Variants in PENK observed in about 807,000 individuals in gnomAD.
The protein encoded by PENK is proenkephalin, also known as proenkephalin-A.
In PENK, 25 loss-of-function variants were observed where a neutral mutation model predicts 24.1. The observed-to-expected ratio is 1.04, with a 90% confidence interval of 0.76 to 1.45. The LOEUF (loss-of-function observed/expected upper bound fraction) is 1.45, where lower values mean the gene tolerates loss of function less well. Among genes scored for constraint, PENK ranks in the 40% most tolerant of loss-of-function variants. The pLI is 0.00. For missense variants in PENK, 353 were observed against 337.9 expected (o/e 1.04, Z -0.35); for synonymous variants, 135 against 130.3 (o/e 1.04, Z -0.24).
chr8:56,441,823 T>G lies in PENK; in HGVS notation c.253A>C (p.Arg85=). 6.2e-7 allele frequency: 1 copy of G among 1,614,222 alleles called. No individual in the cohort carries two copies. The highest frequency in any genetic ancestry group is 1.3e-5 in the African/African-American group (1 of 75,056). Residue 85 remains arginine, a synonymous_variant, in exon 4 of 4, where the codon AGA becomes CGA. Transcript: ENST00000451791. ...CTTTCTTCCGGTTTGCTATTTTCTC[T>G]GAGGGTGCTGGTGCCATCTTGAGGA... ...ELPQDGTSTL[R]ENSKPEESHL...
intron 3 of PENK, among the ~76,000 whole-genome samples, chr8:56,444,830 A>G (rs1035492141): frequency 6.6e-6 from 1 of 152,208 alleles, no homozygotes; most frequent in African/African-American, 2.4e-5. Flanking sequence ...GGATGAATAC[A>G]TTATTCTCTA....
At chr8:56,442,802 C>G (rs928935161) in intron 3 of PENK, among the ~76,000 whole-genome samples, 5 of 151,978 alleles carry the variant, frequency 3.3e-5, no homozygotes, top group African/African-American at 1.2e-4. Context: ...TAGGAATCAT[C>G]AGCATACATT....
At chr8:56,442,254 A>G (rs1404915768) in intron 3 of PENK, among the ~76,000 whole-genome samples, 1 of 152,224 alleles carries the variant, frequency 6.6e-6, no homozygotes, top group Admixed American at 6.5e-5. Context: ...TGCTTTCACA[A>G]TCTAATTTCA....
At position 56,441,721 on chromosome 8, in the gene PENK, G is replaced by A. The variant is rs935646217; in HGVS notation, c.355C>T (p.Pro119Ser). 3.1e-6 allele frequency: 5 copies of A among 1,613,062 alleles called. No homozygotes were observed. The Admixed American group carries it at 5.0e-5, about 16-fold the overall frequency. Reference protein sequence around the residue: ...GFMKKMDELYPMEPEEEANGS... With the variant: ...GFMKKMDELYSMEPEEEANGS... ...TTGGCCTCTTCTTCTGGCTCCATGG[G>A]ATAAAGCTCATCCATTTTCTTCATG... Residue 119 changes from proline (P) to serine (S), a missense_variant, in exon 4 of 4, where the codon CCC becomes TCC. Physicochemically the swap from Pro to Ser is moderately conservative, Grantham distance 74 (BLOSUM62 -1). Transcript: ENST00000451791.
Position 56,441,078 on chromosome 8 carries a change from A to C in PENK, c.*194T>G, listed in dbSNP as rs1020505439. On this transcript the variant is annotated 3_prime_UTR_variant, in exon 4 of 4. Coordinates refer to ENST00000451791, the MANE Select transcript of PENK (RefSeq NM_001135690.3). Reference sequence around the variant, plus strand: ...CATGAAAACGAGATAGCTGCAATAGACTAATACTGAGCTTAAAGACTCCAA... The same window carrying C: ...CATGAAAACGAGATAGCTGCAATAGCCTAATACTGAGCTTAAAGACTCCAA... 2.1e-5 allele frequency: 12 copies of C among 566,164 alleles called. No individual in the cohort carries two copies. The Admixed American group carries it at 3.2e-4, about 15-fold the overall frequency. 35.1% of individuals were successfully genotyped at this position (566,164 alleles called of 1,614,324 possible).
At position 56,441,882 on chromosome 8, in the gene PENK, C is replaced by A. The variant is rs149733534; in HGVS notation, c.194G>T (p.Cys65Phe). 2 of 1,613,920 alleles carry A rather than the reference C, an allele frequency of 1.2e-6. No homozygotes were observed. The highest frequency in any genetic ancestry group is 4.5e-5 in the East Asian group (2 of 44,880). Residue 65 changes from cysteine (C) to phenylalanine (F), a missense_variant, in exon 4 of 4, where the codon TGC (cysteine) becomes TTC (phenylalanine). Physicochemically the swap from Cys to Phe is radical, Grantham distance 205. Transcript: ENST00000451791. ...TTTGGACAGCTGCAGGAGCTCCTTG[C>A]AGGTTTCCCAAATTTTCAGAGAAGG... Reference protein sequence around the residue: ...KLPSLKIWETCKELLQLSKPE... With the variant: ...KLPSLKIWETFKELLQLSKPE...
chr8:56,444,514 A>T (rs960963372), intron 3 of PENK, among the ~76,000 whole-genome samples: 10 of 152,228 alleles, frequency 6.6e-5, no homozygotes, highest in African/African-American at 2.4e-4. Context: ...ATCTATCCTT[A>T]TATTTGTAGC....
chr8:56,446,258 AG>A, intron 2 of PENK, 167 bp downstream of exon 2: 1 of 403,118 alleles, frequency 2.5e-6, no homozygotes, highest in Non-Finnish European at 4.4e-6. Context: ...GCCGCAGACC[AG>A]GGGCGAGAGA....
chr8:56,441,769 AG>A lies in PENK; in HGVS notation c.306del (p.Phe103SerfsTer2). The A allele has an allele frequency of 7.4e-6, 12 of 1,612,594 alleles. No homozygotes were observed. Among genetic ancestry groups the A allele is most frequent in the Non-Finnish European group, 1.0e-5 (12 of 1,179,966 alleles). ...ATGAAGCCTCCATACCTTTTCATGA[AG>A]CCCCCATACCTTTTGGCTAGCAAAT... ...ESHLLAKRYGGFMKRYGGFMK... is the reference protein window; with the variant it reads ...ESHLLAKRYGXFMKRYGGFMK... On this transcript the variant is annotated frameshift_variant, in exon 4 of 4. Coordinates refer to ENST00000451791, the MANE Select transcript of PENK (RefSeq NM_001135690.3). LOFTEE classifies it high-confidence loss of function.
rs1476066834 is a variant in PENK, at chr8:56,445,974, C to A, written c.-3-18G>T. On this transcript the variant is annotated intron_variant, in intron 2 of 3. Coordinates refer to ENST00000451791, the MANE Select transcript of PENK (RefSeq NM_001135690.3). ...GCCATGGACTGCGAGGAGAGAGGGACGCGTGCTTCGAGCCTGCCTGGGCGC... is the reference window on the plus strand; with the variant it reads ...GCCATGGACTGCGAGGAGAGAGGGAAGCGTGCTTCGAGCCTGCCTGGGCGC... 1.3e-6 allele frequency: 2 copies of A among 1,572,892 alleles called. No individual in the cohort carries two copies. The highest frequency in any genetic ancestry group is 1.4e-5 in the African/African-American group (1 of 71,454).
At chr8:56,445,671 C>T in intron 3 of PENK, 145 bp downstream of exon 3, 1 of 1,001,558 alleles carries the variant, frequency 1.0e-6, no homozygotes, top group Non-Finnish European at 1.6e-6. Flanking sequence ...CTGAGACACC[C>T]AGGTCACCAC....
chr8:56,444,982 A>T (rs558892489), intron 3 of PENK, among the ~76,000 whole-genome samples: 17 of 152,372 alleles, frequency 1.1e-4, no homozygotes, highest in African/African-American at 4.1e-4. Context: ...GTGATTCGAC[A>T]GCCCATGGGG....
At position 56,445,823 on chromosome 8, in the gene PENK, T is replaced by A. The variant is rs1412897566; in HGVS notation, c.131A>T (p.Asn44Ile). 6.2e-7 allele frequency: 1 copy of A among 1,613,282 alleles called. No individual in the cohort carries two copies. Among genetic ancestry groups the A allele is most frequent in the East Asian group, 2.2e-5 (1 of 44,888 alleles). ...GCCGCGCGCAACACTCACCAGGAAG[T>A]TGATGTCGGCCGGGCGCACTAGGCG... ...SYRLVRPADI[N>I]FLACVMECEG... The change falls in exon 3 of 4, where the codon AAC becomes ATC. Residue 44 changes from asparagine to isoleucine, a missense_variant. Asn to Ile is a moderately radical substitution (Grantham distance 149, BLOSUM62 -3). Coordinates refer to ENST00000451791, the MANE Select transcript of PENK (RefSeq NM_001135690.3).
intron 2 of PENK, 146 bp downstream of exon 2, chr8:56,446,280 G>A (rs1242229220): frequency 2.0e-5 from 7 of 355,650 alleles, no homozygotes; most frequent in Non-Finnish European, 3.6e-5. Flanking sequence ...GCGGGAGCCG[G>A]GGGAGGCAGG....
At chr8:56,442,205 TA>T (rs1306123739) in intron 3 of PENK, among the ~76,000 whole-genome samples, 2 of 152,054 alleles carry the variant, frequency 1.3e-5, no homozygotes, top group East Asian at 3.9e-4. Context: ...TTAAAGAATT[TA>T]AAAAAAAATT....
intron 3 of PENK, chr8:56,443,912 C>T (rs1386032959): frequency 1.4e-6 from 1 of 691,464 alleles, no homozygotes; most frequent in Non-Finnish European, 2.6e-6. Context: ...CATTCCATCA[C>T]CTGGATTAAA....
In PENK at chr8:56,441,786, G is replaced by A; in HGVS notation, c.290C>T (p.Ala97Val). The A allele has an allele frequency of 6.2e-7, 1 of 1,613,984 alleles. No individual in the cohort carries two copies. The highest frequency in any genetic ancestry group is 1.1e-5 in the South Asian group (1 of 91,064). The stretch of plus-strand genomic sequence containing the variant: ...TTTCATGAAGCCCCCATACCTTTTG[G>A]CTAGCAAATGGCTTTCTTCCGGTTT... ...NSKPEESHLL[A>V]KRYGGFMKRY... Residue 97 changes from alanine to valine, a missense_variant, in exon 4 of 4, where the codon GCC becomes GTC. Transcript: ENST00000451791.
intron 2 of PENK, chr8:56,446,164 C>A (rs987431153): frequency 1.7e-6 from 1 of 576,848 alleles, no homozygotes; most frequent in Non-Finnish European, 3.0e-6. Flanking sequence ...CGGGATGGCG[C>A]GGTCGCCCCC....
rs199856379 is a variant in PENK, at chr8:56,441,246, C to T, written c.*26G>A. ...GAGGATGGAGGGAGGCTTGCTGGGG[C>T]CTGGGGCCACTAGTGGGAAAAGATA... On this transcript the variant is annotated 3_prime_UTR_variant, in exon 4 of 4. Coordinates refer to ENST00000451791, the MANE Select transcript of PENK (RefSeq NM_001135690.3). 32 of 1,505,636 alleles carry T rather than the reference C, an allele frequency of 2.1e-5. No homozygotes were observed. In the African/African-American group the frequency reaches 3.6e-4, roughly 17 times the overall value. 93.3% of individuals were successfully genotyped at this position (1,505,636 alleles called of 1,614,324 possible).
Sources: allele counts gnomAD v4.1 joint callset (sites outside exome capture counted in the v4.1 genomes callset), GRCh38; gene constraint gnomAD v4.1.1; transcripts MANE v1.5; gene names NCBI Gene and HGNC (gene_info 2026-07-23, HGNC 2026-07-21).